The following STK17A variants were observed in gnomAD, a reference collection of about 807,000 sequenced individuals.
STK17A encodes the protein serine/threonine kinase 17a, also known as serine/threonine-protein kinase 17A.
Under a neutral mutation model 43.7 loss-of-function variants are expected in STK17A, and 26 were observed. The observed-to-expected ratio is 0.60, with a 90% CI of 0.44 to 0.83. The LOEUF (loss-of-function observed/expected upper bound fraction) is 0.83, where lower values mean the gene tolerates loss of function less well. Ranked by LOEUF, STK17A falls within the 40% of genes least tolerant of loss-of-function variation. The pLI is 0.00. For missense variants in STK17A, 476 were observed against 511.6 expected, an observed-to-expected ratio of 0.93 and a Z score of 0.67; for synonymous variants, 191 against 182.5, an observed-to-expected ratio of 1.05 and a Z score of -0.38.
intron 2 of STK17A, among the ~76,000 whole-genome samples, chr7:43,607,905 A>G (rs1453804073): frequency 1.3e-5 from 2 of 152,214 alleles, no homozygotes; most frequent in Admixed American, 6.5e-5. Flanking sequence ...ACTGTACATT[A>G]CATCGTGGTG....
chr7:43,623,866 A>T lies in STK17A; in HGVS notation c.898A>T (p.Thr300Ser), dbSNP rs553652334. Reference protein sequence around the residue: ...LSESAVDFIRTLLVKKPEDRA... With the variant: ...LSESAVDFIRSLLVKKPEDRA... ...TGAGTCGGCTGTTGATTTCATCAGG[A>T]CACTTTTAGTTAAGAAACCTGAGTA... Residue 300 changes from threonine (T) to serine (S), a missense_variant, in exon 6 of 7, where the codon ACA (threonine) becomes TCA (serine). Transcript: ENST00000319357. 1 of 1,569,224 alleles carries T rather than the reference A, an allele frequency of 6.4e-7. No homozygotes were observed. Among genetic ancestry groups the T allele is most frequent in the African/African-American group, 1.4e-5 (1 of 73,522 alleles).
intron 2 of STK17A, among the ~76,000 whole-genome samples, chr7:43,597,906 C>T (rs950013159): frequency 1.3e-5 from 2 of 151,900 alleles, no homozygotes; most frequent in African/African-American, 2.4e-5. Flanking sequence ...GCCTGGGTGA[C>T]AGAGTGAGAC....
rs377670835 is a variant in STK17A, at chr7:43,624,505, T to C, written c.921-13T>C. The stretch of plus-strand genomic sequence containing the variant: ...TCTAACATGTCTTAACTGTAAAACA[T>C]GTATCTTTACAGAGATCGAGCCACT... On this transcript the variant is annotated splice_polypyrimidine_tract_variant and intron_variant, in intron 6 of 6. Transcript: ENST00000319357. The C allele has an allele frequency of 1.6e-4, 262 of 1,593,070 alleles. No individual in the cohort carries two copies. The highest frequency in any genetic ancestry group is 2.2e-4 in the Non-Finnish European group (253 of 1,169,504).
intron 2 of STK17A, among the ~76,000 whole-genome samples, chr7:43,608,037 C>A (rs1583560582): frequency 6.6e-6 from 1 of 152,126 alleles, no homozygotes; most frequent in Admixed American, 6.5e-5. Context: ...ATCCCAACAC[C>A]TTTGGAGGCC....
rs745847482 is a variant in STK17A at position 43,624,797 on chromosome 7, T to C, written c.1200T>C (p.Phe400=). 1.3e-5 allele frequency: 21 copies of C among 1,608,958 alleles called. No homozygotes were observed. The South Asian group carries it at 2.3e-4, about 18-fold the overall frequency. The stretch of plus-strand genomic sequence containing the variant: ...AGGCCATTTCCAAACGATTTAAATT[T>C]GAGGAACCTTTGCTACAAGAAATTC... The part of the protein sequence containing the change: ...EQKAISKRFK[F]EEPLLQEIPG... Residue 400 remains phenylalanine, a synonymous_variant, in exon 7 of 7, where the codon TTT becomes TTC. Coordinates refer to ENST00000319357, the MANE Select transcript of STK17A (RefSeq NM_004760.3).
chr7:43,624,486 A>T (rs373304977), intron 6 of STK17A, 32 bp from the exon 7 acceptor site: 276 of 1,557,954 alleles, frequency 1.8e-4, no homozygotes, highest in Non-Finnish European at 2.3e-4. Context: ...AAGTTCTAAC[A>T]TGTCTTAACT....
At chr7:43,591,056 C>T (rs1470897904) in intron 1 of STK17A, among the ~76,000 whole-genome samples, 1 of 151,450 alleles carries the variant, frequency 6.6e-6, no homozygotes, top group East Asian at 1.9e-4. Flanking sequence ...AAGGGTCCCC[C>T]TCCCATTGCA....
At chr7:43,602,543 T>C (rs1417005713) in intron 2 of STK17A, among the ~76,000 whole-genome samples, 2 of 152,212 alleles carry the variant, frequency 1.3e-5, no homozygotes, top group Non-Finnish European at 2.9e-5. Context: ...CAGTTCTTGC[T>C]CTCTTTGAAC....
intron 2 of STK17A, among the ~76,000 whole-genome samples, chr7:43,606,473 A>G (rs1014340626): frequency 6.6e-6 from 1 of 152,230 alleles, no homozygotes; most frequent in African/African-American, 2.4e-5. Flanking sequence ...AATGACCACT[A>G]GAAAGTTGAA....
In STK17A at chr7:43,625,154, T is replaced by C; in HGVS notation, c.*312T>C. On this transcript the variant is annotated 3_prime_UTR_variant, in exon 7 of 7. Transcript: ENST00000319357. Reference sequence around the variant, plus strand: ...CAAAGATATTTGTATTCACTTTCTTTAAAAAATCCAAGTAAAAGTGCCAAA... The same window carrying C: ...CAAAGATATTTGTATTCACTTTCTTCAAAAAATCCAAGTAAAAGTGCCAAA... 4.7e-6 allele frequency: 1 copy of C among 213,760 alleles called. No individual in the cohort carries two copies. The highest frequency in any genetic ancestry group is 9.3e-6 in the Non-Finnish European group (1 of 107,444). 13.2% of individuals were successfully genotyped at this position (213,760 alleles called of 1,614,324 possible).
chr7:43,584,682 G>A (rs553069820), intron 1 of STK17A, among the ~76,000 whole-genome samples: 1 of 152,044 alleles, frequency 6.6e-6, no homozygotes, highest in Non-Finnish European at 1.5e-5. Context: ...GGGGGTGGGG[G>A]TGTAGGGAGG....
Position 43,624,697 on chromosome 7 carries a change from C to A in STK17A, c.1100C>A (p.Thr367Asn), listed in dbSNP as rs559570046. 6.2e-7 allele frequency: 1 copy of A among 1,614,004 alleles called. No homozygotes were observed. The highest frequency in any genetic ancestry group is 1.1e-5 in the South Asian group (1 of 91,068). The change falls in exon 7 of 7, where the codon ACC becomes AAC. Residue 367 changes from threonine to asparagine, a missense_variant. Coordinates refer to ENST00000319357, the MANE Select transcript of STK17A (RefSeq NM_004760.3). Reference sequence around the variant, plus strand: ...TCAGAAACCAAGGAATCCATTGTAACCGAAGAGTTAATTGTAGTTACTTCA... The same window carrying A: ...TCAGAAACCAAGGAATCCATTGTAAACGAAGAGTTAATTGTAGTTACTTCA... Reference protein sequence around the residue: ...DKSETKESIVTEELIVVTSYT... With the variant: ...DKSETKESIVNEELIVVTSYT...
intron 3 of STK17A, among the ~76,000 whole-genome samples, chr7:43,618,860 T>C (rs1041500772): frequency 4.6e-5 from 7 of 152,088 alleles, no homozygotes; most frequent in Non-Finnish European, 1.0e-4. Context: ...CATCAGTATG[T>C]AAGTGGCAGC....
At chr7:43,617,565 G>A (rs2083465040) in intron 3 of STK17A, among the ~76,000 whole-genome samples, 1 of 152,168 alleles carries the variant, frequency 6.6e-6, no homozygotes. Flanking sequence ...TCACTGAGAC[G>A]CCTGTCATTG....
intron 3 of STK17A, among the ~76,000 whole-genome samples, chr7:43,615,719 C>T (rs1391665190): frequency 1.3e-5 from 2 of 152,142 alleles, no homozygotes; most frequent in African/African-American, 4.8e-5. Flanking sequence ...CCCCTTTTGC[C>T]TTGTGCTGTC....
rs1465556223 is a variant in STK17A at position 43,625,609 on chromosome 7, TC to T, written c.*769del. 1.3e-5 allele frequency: 2 copies of T among 152,532 alleles called. No homozygotes were observed. Among genetic ancestry groups the T allele is most frequent in the Non-Finnish European group, 2.9e-5 (2 of 68,314 alleles). The allele number at this position is 152,532 out of a possible 1,614,324, so 9.4% of individuals were successfully genotyped here. On this transcript the variant is annotated 3_prime_UTR_variant, in exon 7 of 7. Coordinates refer to ENST00000319357, the MANE Select transcript of STK17A (RefSeq NM_004760.3). ...TCTCACACTCTATACCCCTGCCACTTCCTGGCACCTCCCCCCATGCTTGTCA... is the reference window on the plus strand; with the variant it reads ...TCTCACACTCTATACCCCTGCCACTTCTGGCACCTCCCCCCATGCTTGTCA...
At chr7:43,610,346 CAAAAAAAAAAAA>C (rs138859141) in intron 3 of STK17A, among the ~76,000 whole-genome samples, 1 of 41,328 alleles carries the variant, frequency 2.4e-5, no homozygotes, top group Non-Finnish European at 4.0e-5. Context: ...GACTCCGTCT[CAAAAAAAAAAAA>C]AAAAAAAAAA....
rs537495436 is a variant in STK17A, at chr7:43,602,070, A to C, written c.419+5957A>C. ...TCTAATATCTGTCTTTGTTGCTCTCATGCCCTTCCCTGCTGTTCAATGGAA... is the reference window on the plus strand; with the variant it reads ...TCTAATATCTGTCTTTGTTGCTCTCCTGCCCTTCCCTGCTGTTCAATGGAA... On this transcript the variant is annotated intron_variant, in intron 2 of 6. Coordinates refer to ENST00000319357, the MANE Select transcript of STK17A (RefSeq NM_004760.3). Among the ~76,000 whole-genome samples, 5 of 152,262 alleles carry C rather than the reference A, an allele frequency of 3.3e-5. No homozygotes were observed. In the South Asian group the frequency reaches 1.0e-3, roughly 32 times the overall value.
Position 43,593,696 on chromosome 7 carries a change from T to TA in STK17A, c.207-2193dup, listed in dbSNP as rs35017052. ...TCTTTTGAAAAAATGTCTGTTCATA[T>TA]AAAAAAAAAAAACAATGAGGTTGTT... On this transcript the variant is annotated intron_variant, in intron 1 of 6. Coordinates refer to ENST00000319357, the MANE Select transcript of STK17A (RefSeq NM_004760.3). 2.1e-3 allele frequency among the ~76,000 whole-genome samples: 304 copies of TA among 146,364 alleles called. 1 individual carries two copies. The highest frequency in any genetic ancestry group is 5.3e-3 in the East Asian group (27 of 5,066).
Sources: allele counts gnomAD v4.1 joint callset (sites outside exome capture counted in the v4.1 genomes callset), GRCh38; gene constraint gnomAD v4.1.1; transcripts MANE v1.5; gene names NCBI Gene and HGNC (gene_info 2026-07-23, HGNC 2026-07-21).